Variants in FYN observed in about 807,000 individuals in gnomAD.
The protein encoded by FYN is FYN proto-oncogene, Src family tyrosine kinase, also known as tyrosine-protein kinase Fyn.
A neutral mutation model predicts 70.2 loss-of-function variants in FYN; 10 were observed. The observed-to-expected ratio is 0.14, with a 90% CI of 0.09 to 0.24. The LOEUF is 0.24. FYN is among the 10% of genes least tolerant of loss of function. FYN has a pLI of 1.00. For synonymous variants in FYN, 236 were observed against 248.6 expected (o/e 0.95, Z 0.48); for missense variants, 319 against 673.1 (o/e 0.47, Z 5.82).
chr6:111,728,411 A>G (rs1252339616), intron 3 of FYN, among the ~76,000 whole-genome samples: 2 of 152,222 alleles, frequency 1.3e-5, no homozygotes, highest in Non-Finnish European at 2.9e-5. Context: ...GGTTTTTAGT[A>G]CATTTACAAA....
At chr6:111,827,228 G>A (rs999852984) in intron 2 of FYN, among the ~76,000 whole-genome samples, 2 of 152,188 alleles carry the variant, frequency 1.3e-5, no homozygotes, top group East Asian at 1.9e-4. Flanking sequence ...GGATCTCAGA[G>A]AGCTTATGAA....
chr6:111,691,594 T>G (rs1164582219), intron 12 of FYN, among the ~76,000 whole-genome samples: 2 of 152,138 alleles, frequency 1.3e-5, no homozygotes, highest in Non-Finnish European at 2.9e-5. Context: ...CACCAGGCCC[T>G]TTCTGCCTCG....
intron 3 of FYN, among the ~76,000 whole-genome samples, chr6:111,741,522 T>C (rs199877241): frequency 5.9e-5 from 1 of 17,084 alleles, no homozygotes; most frequent in Admixed American, 9.8e-4. Context: ...ATTCATTTTT[T>C]ATAACAGTGT....
At chr6:111,722,302 C>T (rs545501374) in intron 3 of FYN, among the ~76,000 whole-genome samples, 8 of 152,252 alleles carry the variant, frequency 5.3e-5, no homozygotes, top group South Asian at 2.1e-4. Flanking sequence ...TACAGTATAC[C>T]GTGCCCAACA....
chr6:111,770,645 ATT>A (rs1803407853), intron 3 of FYN, among the ~76,000 whole-genome samples: 1 of 152,170 alleles, frequency 6.6e-6, no homozygotes, highest in South Asian at 2.1e-4. Flanking sequence ...TGAGAGGTTT[ATT>A]TAGCTCATCA....
rs1401187883 is a variant in FYN at position 111,863,154 on chromosome 6, A to G, written c.-123+9814T>C. 3.3e-5 allele frequency among the ~76,000 whole-genome samples: 5 copies of G among 152,232 alleles called. No individual in the cohort carries two copies. In the East Asian group the frequency reaches 9.6e-4, roughly 29 times the overall value. The stretch of plus-strand genomic sequence containing the variant: ...AGCCGGCACATCCACAGTGACATGG[A>G]TCAATACCTCCTCACTCAATCTAGG... On this transcript the variant is annotated intron_variant, in intron 1 of 13. Transcript: ENST00000354650.
chr6:111,819,441 T>C (rs758905453), intron 2 of FYN, among the ~76,000 whole-genome samples: 4 of 152,206 alleles, frequency 2.6e-5, no homozygotes, highest in Non-Finnish European at 4.4e-5. Context: ...ATGAACTCAC[T>C]TTAAGTCTCC....
At chr6:111,713,286 T>C (rs896794596) in intron 5 of FYN, among the ~76,000 whole-genome samples, 1 of 152,176 alleles carries the variant, frequency 6.6e-6, no homozygotes, top group Admixed American at 6.5e-5. Flanking sequence ...TCCTCTTTCC[T>C]GGGATGTGCA....
At chr6:111,863,185 T>C (rs1292014907) in intron 1 of FYN, among the ~76,000 whole-genome samples, 1 of 152,144 alleles carries the variant, frequency 6.6e-6, no homozygotes, top group East Asian at 1.9e-4. Flanking sequence ...CTAGGAAATA[T>C]GAGAGTGAAG....
chr6:111,787,037 T>C (rs1224273613), intron 2 of FYN, among the ~76,000 whole-genome samples: 2 of 152,204 alleles, frequency 1.3e-5, no homozygotes, highest in Admixed American at 1.3e-4. Context: ...CTGATGGTAG[T>C]TTCTTTTGCT....
intron 2 of FYN, among the ~76,000 whole-genome samples, chr6:111,784,234 T>C (rs1771281968): frequency 6.6e-6 from 1 of 152,242 alleles, no homozygotes; most frequent in South Asian, 2.1e-4. Context: ...CGTTGAAGTC[T>C]GTGGCATCTC....
chr6:111,854,438 A>G (rs1345533203), intron 1 of FYN, among the ~76,000 whole-genome samples: 1 of 152,194 alleles, frequency 6.6e-6, no homozygotes, highest in Non-Finnish European at 1.5e-5. Context: ...ATTCCAGGCC[A>G]CTGCCTCACC....
intron 13 of FYN, among the ~76,000 whole-genome samples, chr6:111,669,438 C>CAAA (rs10690295): frequency 0.045 from 2,552 of 56,772 alleles, 190 homozygotes; most frequent in East Asian, 0.1. Flanking sequence ...CCATCCATCT[C>CAAA]AAAAAAAAAA....
At chr6:111,706,745 A>C (rs1800109535) in intron 6 of FYN, among the ~76,000 whole-genome samples, 1 of 152,242 alleles carries the variant, frequency 6.6e-6, no homozygotes, top group African/African-American at 2.4e-5. Flanking sequence ...AATAACTTAA[A>C]TATATAGCTG....
In FYN at chr6:111,662,439, C is replaced by T. The variant is rs375558925; in HGVS notation, c.1406-492G>A. Among the ~76,000 whole-genome samples, 51 of 152,266 alleles carry T rather than the reference C, an allele frequency of 3.3e-4. 1 individual carries two copies. The highest frequency in any genetic ancestry group is 1.2e-3 in the African/African-American group (51 of 41,552). On this transcript the variant is annotated intron_variant, in intron 13 of 13. Transcript: ENST00000354650. The stretch of plus-strand genomic sequence containing the variant: ...ATCCCTGTCTTCTTCTTTTTAACAA[C>T]CCTTTAAAAACGTACAAAACAAACA...
chr6:111,664,701 G>C (rs529395624), intron 13 of FYN, among the ~76,000 whole-genome samples: 1 of 151,856 alleles, frequency 6.6e-6, no homozygotes, highest in African/African-American at 2.4e-5. Context: ...GCTCCTTCTC[G>C]CTCTCCCCTT....
chr6:111,786,822 T>A (rs1336796267), intron 2 of FYN, among the ~76,000 whole-genome samples: 1 of 152,278 alleles, frequency 6.6e-6, no homozygotes, highest in Admixed American at 6.5e-5. Flanking sequence ...CCAGTGATGA[T>A]GAGCATTTTT....
chr6:111,746,584 T>C (rs1802232213), intron 3 of FYN, among the ~76,000 whole-genome samples: 1 of 152,224 alleles, frequency 6.6e-6, no homozygotes, highest in Admixed American at 6.5e-5. Context: ...ATGGTATGAA[T>C]ATACCACTAC....
chr6:111,694,731 A>C lies in FYN; in HGVS notation c.1043-27T>G, dbSNP rs1447976610. 1 of 1,574,116 alleles carries C rather than the reference A, an allele frequency of 6.4e-7. No individual in the cohort carries two copies. The highest frequency in any genetic ancestry group is 2.2e-5 in the East Asian group (1 of 44,722). ...TATGAACAAAACATAAAATCATTTC[A>C]ATTTACTTTGAAAGATAATTCCCAA... On this transcript the variant is annotated intron_variant, in intron 10 of 13. Transcript: ENST00000354650. This position sits in a 1 kb window ranked among gnomAD's most constrained non-coding sequence, Gnocchi z 5.0.
Sources: allele counts gnomAD v4.1 joint callset (sites outside exome capture counted in the v4.1 genomes callset), GRCh38; gene constraint gnomAD v4.1.1; non-coding constraint Gnocchi (gnomAD v3.1); transcripts MANE v1.5; gene names NCBI Gene and HGNC (gene_info 2026-07-23, HGNC 2026-07-21).